LTBP1: variants seen among roughly 807,000 people sequenced by gnomAD.
The protein encoded by LTBP1 is latent transforming growth factor beta binding protein 1.
In LTBP1, 129 loss-of-function variants were observed where a neutral mutation model predicts 207.6. The ratio of observed to expected loss-of-function variants is 0.62; its 90% CI spans 0.54 to 0.72. The LOEUF is 0.72. Among genes scored for constraint, LTBP1 ranks in the 30% least tolerant of loss-of-function variants. The pLI is 0.00. For missense variants in LTBP1, 2,281 were observed against 2,217.2 expected, an observed-to-expected ratio of 1.03 and a Z score of -0.58; for synonymous variants, 963 against 833.7, an observed-to-expected ratio of 1.16 and a Z score of -2.67.
intron 22 of LTBP1, among the ~76,000 whole-genome samples, chr2:33,306,670 A>G (rs1371211457): frequency 1.3e-5 from 2 of 152,020 alleles, no homozygotes; most frequent in Non-Finnish European, 2.9e-5. Flanking sequence ...AGAAATTCAT[A>G]TTCCCAGGAT....
At chr2:33,122,651 C>T (rs1351448251) in intron 4 of LTBP1, among the ~76,000 whole-genome samples, 1 of 152,160 alleles carries the variant, frequency 6.6e-6, no homozygotes, top group Non-Finnish European at 1.5e-5. Flanking sequence ...AATCCTACCA[C>T]GTTAATGTTG....
intron 31 of LTBP1, among the ~76,000 whole-genome samples, chr2:33,373,600 G>C (rs1275341182): frequency 2.0e-5 from 3 of 152,062 alleles, no homozygotes; most frequent in Non-Finnish European, 4.4e-5. Flanking sequence ...AATAATGCTA[G>C]GAAGAATTAT....
intron 8 of LTBP1, among the ~76,000 whole-genome samples, chr2:33,219,174 C>T (rs1235700817): frequency 2.6e-5 from 4 of 152,046 alleles, no homozygotes; most frequent in African/African-American, 9.7e-5. Flanking sequence ...AAATGCCCAC[C>T]GAAGTTCCTC....
intron 2 of LTBP1, among the ~76,000 whole-genome samples, chr2:33,005,280 G>A (rs1686669803): frequency 1.3e-5 from 2 of 152,192 alleles, no homozygotes; most frequent in Non-Finnish European, 2.9e-5. Flanking sequence ...CAGCGTGGAC[G>A]GCTTGACTGA....
chr2:33,056,271 GCC>G (rs1041172852), intron 3 of LTBP1: 4 of 541,472 alleles, frequency 7.4e-6, no homozygotes, highest in African/African-American at 3.9e-5. Flanking sequence ...AGCCTGTGAT[GCC>G]TGAGTGTTTC....
intron 3 of LTBP1, among the ~76,000 whole-genome samples, chr2:33,035,569 GGTT>G (rs1432800328): frequency 1.1e-4 from 17 of 152,200 alleles, no homozygotes; most frequent in Middle Eastern, 3.4e-3. Context: ...ATTCTTTTTG[GGTT>G]GTTTTATGCA....
At chr2:33,321,818 TAAC>T (rs778755813) in intron 24 of LTBP1, among the ~76,000 whole-genome samples, 29 of 152,306 alleles carry the variant, frequency 1.9e-4, no homozygotes, top group African/African-American at 6.7e-4. Flanking sequence ...GAGAGAATTT[TAAC>T]AACAGAATCC....
At chr2:33,343,396 G>T (rs866035419) in intron 25 of LTBP1, among the ~76,000 whole-genome samples, 4 of 120,362 alleles carry the variant, frequency 3.3e-5, no homozygotes, top group African/African-American at 3.8e-5. Context: ...GGGCAACAGA[G>T]AAAGACCCTG....
At chr2:33,150,181 A>G (rs1339534174) in intron 5 of LTBP1, among the ~76,000 whole-genome samples, 2 of 152,216 alleles carry the variant, frequency 1.3e-5, no homozygotes, top group African/African-American at 4.8e-5. Flanking sequence ...TCACCTGCAT[A>G]TAAAGTCATA....
At chr2:33,177,670 A>C (rs1237986324) in intron 5 of LTBP1, among the ~76,000 whole-genome samples, 2 of 152,202 alleles carry the variant, frequency 1.3e-5, no homozygotes, top group Non-Finnish European at 2.9e-5. Context: ...CTTGTCTCAA[A>C]GAAAGAAACA....
In LTBP1 at chr2:33,289,689, CTG is replaced by C. The variant is rs1046566052; in HGVS notation, c.3113-3469_3113-3468del. Among the ~76,000 whole-genome samples, 14 of 152,172 alleles carry C rather than the reference CTG, an allele frequency of 9.2e-5. No individual in the cohort carries two copies. In the East Asian group the frequency reaches 1.7e-3, roughly 19 times the overall value. ...CTAGAACCAATTTTTTTTATCAACA[CTG>C]TTTTTTATTATATTTCCTAACAGAT... On this transcript the variant is annotated intron_variant, in intron 19 of 33. Transcript: ENST00000404816.
At chr2:33,177,947 C>T (rs6746796) in intron 5 of LTBP1, among the ~76,000 whole-genome samples, 12,111 of 152,128 alleles carry the variant, frequency 0.08, 1,047 homozygotes, top group African/African-American at 0.22. Flanking sequence ...TAGCCAAAAG[C>T]CCTTGCTTGC....
chr2:33,208,538 G>T (rs868206546), intron 7 of LTBP1, among the ~76,000 whole-genome samples: 9 of 152,098 alleles, frequency 5.9e-5, no homozygotes, highest in African/African-American at 2.2e-4. Context: ...GGTTGGCCTA[G>T]GTCAGGGTAT....
chr2:33,125,532 TA>T (rs1023784418), intron 4 of LTBP1, among the ~76,000 whole-genome samples: 11 of 152,104 alleles, frequency 7.2e-5, no homozygotes, highest in African/African-American at 2.7e-4. Flanking sequence ...AGTTGCTGCA[TA>T]AAAAATTACT....
intron 2 of LTBP1, among the ~76,000 whole-genome samples, chr2:32,967,111 G>T (rs1354841858): frequency 6.6e-6 from 1 of 152,028 alleles, no homozygotes; most frequent in Admixed American, 6.6e-5. Flanking sequence ...TGTGGGCATA[G>T]AATTCATAAT....
chr2:33,055,080 G>T (rs2076924150), intron 3 of LTBP1, among the ~76,000 whole-genome samples: 1 of 152,074 alleles, frequency 6.6e-6, no homozygotes, highest in African/African-American at 2.4e-5. Context: ...CATGACTAAG[G>T]CTGCAGCCTT....
At chr2:33,098,470 G>A (rs2079520087) in intron 3 of LTBP1, among the ~76,000 whole-genome samples, 1 of 152,068 alleles carries the variant, frequency 6.6e-6, no homozygotes, top group Non-Finnish European at 1.5e-5. Flanking sequence ...GTCTCACTCT[G>A]TTGCCCAGGC....
At chr2:33,112,169 T>C (rs2080450160) in intron 4 of LTBP1, among the ~76,000 whole-genome samples, 2 of 152,192 alleles carry the variant, frequency 1.3e-5, no homozygotes, top group Admixed American at 1.3e-4. Context: ...TTCTGAATTA[T>C]CTGGAGGTAT....
At chr2:33,393,068 A>AG (rs1279395270) in intron 32 of LTBP1, among the ~76,000 whole-genome samples, 1 of 151,732 alleles carries the variant, frequency 6.6e-6, no homozygotes, top group Non-Finnish European at 1.5e-5. Flanking sequence ...TTTAACTTTT[A>AG]GGTTCAGGGG....
Sources: gnomAD v4.1 joint callset for allele counts (sites outside exome capture counted in the v4.1 genomes callset) on GRCh38, gnomAD v4.1.1 for gene constraint, MANE v1.5 for transcripts, NCBI Gene and HGNC (gene_info 2026-07-23, HGNC 2026-07-21) for gene names.